The following MIA3 variants were observed in gnomAD, a reference collection of about 807,000 sequenced individuals.
The protein encoded by MIA3 is transport and Golgi organization protein 1 homolog.
Under a neutral mutation model 192.4 loss-of-function variants are expected in MIA3, and 90 were observed. That is an observed-to-expected ratio of 0.47 (90% CI 0.39 to 0.56). The LOEUF is 0.56. Among genes scored for constraint, MIA3 ranks in the 20% least tolerant of loss-of-function variants. The pLI, the probability that MIA3 is intolerant of heterozygous loss-of-function variation, is 0.00. For synonymous variants in MIA3, 740 were observed against 792.8 expected, an observed-to-expected ratio of 0.93 and a Z score of 1.12; for missense variants, 2,123 against 2,269.4, an observed-to-expected ratio of 0.94 and a Z score of 1.31.
chr1:222,660,274 T>C lies in MIA3; in HGVS notation c.5073T>C (p.Ser1691=). 2 of 1,614,040 alleles carry C rather than the reference T, an allele frequency of 1.2e-6. No individual in the cohort carries two copies. Among genetic ancestry groups the C allele is most frequent in the Non-Finnish European group, 1.7e-6 (2 of 1,179,904 alleles). The change falls in exon 24 of 28, where the codon TCT becomes TCC. Residue 1691 remains serine, a synonymous_variant. Coordinates refer to ENST00000344922, the MANE Select transcript of MIA3 (RefSeq NM_198551.4). Reference sequence around the variant, plus strand: ...TGGAGCCACCCGTGAGACCTCTCTCTGCTACTCTCAATCGAAGAGATATGC... The same window carrying C: ...TGGAGCCACCCGTGAGACCTCTCTCCGCTACTCTCAATCGAAGAGATATGC... ...LTVEPPVRPL[S]ATLNRRDMPR...
At position 222,654,686 on chromosome 1, in the gene MIA3, C is replaced by G. The variant is rs1475240620; in HGVS notation, c.4500C>G (p.Asn1500Lys). 6 of 1,613,972 alleles carry G rather than the reference C, an allele frequency of 3.7e-6. No individual in the cohort carries two copies. Among genetic ancestry groups the G allele is most frequent in the Non-Finnish European group, 4.2e-6 (5 of 1,179,978 alleles). The change falls in exon 18 of 28, where the codon AAC (asparagine) becomes AAG (lysine). Residue 1500 changes from asparagine to lysine, a missense_variant. Asn to Lys is a moderately conservative substitution (Grantham distance 94, BLOSUM62 0). This residue lies in a region of MIA3 where 762 missense variants were observed against 856.4 expected (regional missense o/e 0.89). Transcript: ENST00000344922. Reference sequence around the variant, plus strand: ...TAAAGAAATTGGAAGATGACCGCAACTCACTACAAGCTGCCAAAGCTGGAC... The same window carrying G: ...TAAAGAAATTGGAAGATGACCGCAAGTCACTACAAGCTGCCAAAGCTGGAC... ...DQVKKLEDDR[N>K]SLQAAKAGLE...
At chr1:222,637,569 C>T (rs1382960654) in intron 6 of MIA3, among the ~76,000 whole-genome samples, 4 of 151,886 alleles carry the variant, frequency 2.6e-5, no homozygotes, top group Non-Finnish European at 5.9e-5. Flanking sequence ...ACAACTCATT[C>T]GTGGCATTAT....
intron 2 of MIA3, among the ~76,000 whole-genome samples, chr1:222,622,730 TAA>T (rs999774261): frequency 6.6e-6 from 1 of 152,264 alleles, no homozygotes; most frequent in Admixed American, 6.5e-5. Flanking sequence ...ATAGAAAAGT[TAA>T]GTTTTTTTTT....
chr1:222,642,310 A>T (rs1443628673), intron 6 of MIA3, among the ~76,000 whole-genome samples: 1 of 152,064 alleles, frequency 6.6e-6, no homozygotes, highest in African/African-American at 2.4e-5. Flanking sequence ...AAAAAATCCT[A>T]ACTTTCTTAG....
At chr1:222,641,997 AT>A (rs1417680912) in intron 6 of MIA3, 1 of 333,864 alleles carries the variant, frequency 3.0e-6, no homozygotes, top group Non-Finnish European at 5.9e-6. Context: ...ATGTGCAGCA[AT>A]GTGGGTGAAT....
intron 1 of MIA3, among the ~76,000 whole-genome samples, chr1:222,619,238 C>T (rs946051731): frequency 6.6e-6 from 1 of 152,206 alleles, no homozygotes; most frequent in African/African-American, 2.4e-5. Context: ...CCTCTTCCCT[C>T]TATGTTCGCC....
rs191064877 is a variant in MIA3, at chr1:222,622,443, A to G, written c.267+1151A>G. Among the ~76,000 whole-genome samples, 118 of 151,740 alleles carry G rather than the reference A, an allele frequency of 7.8e-4. 1 individual carries two copies. The highest frequency in any genetic ancestry group is 2.6e-3 in the African/African-American group (108 of 41,192). ...ACCCATCCCGACTATGAAAGTTTTC[A>G]CTGTCAGTAAAACACCAAACAAACA... On this transcript the variant is annotated intron_variant, in intron 2 of 27. Coordinates refer to ENST00000344922, the MANE Select transcript of MIA3 (RefSeq NM_198551.4).
chr1:222,625,927 C>T (rs527285293), intron 3 of MIA3, among the ~76,000 whole-genome samples: 3 of 152,190 alleles, frequency 2.0e-5, no homozygotes, highest in South Asian at 4.1e-4. Context: ...TTAGTAGGAA[C>T]GAGGTTTCAC....
At position 222,632,299 on chromosome 1, in the gene MIA3, C is replaced by G; in HGVS notation, c.3304C>G (p.Pro1102Ala). 1 of 1,613,922 alleles carries G rather than the reference C, an allele frequency of 6.2e-7. No homozygotes were observed. The highest frequency in any genetic ancestry group is 8.5e-7 in the Non-Finnish European group (1 of 1,179,962). The change falls in exon 5 of 28, where the codon CCA (proline) becomes GCA (alanine). Residue 1102 changes from proline (P) to alanine (A), a missense_variant. Coordinates refer to ENST00000344922, the MANE Select transcript of MIA3 (RefSeq NM_198551.4). ...DTHASEVSQK[P>A]NTEKDLDPGP... ...TCATGCCTCAGAAGTGTCACAGAAG[C>G]CAAATACTGAGAAAGACCTGGACCC...
At chr1:222,635,117 T>G (rs1170417359) in intron 6 of MIA3, among the ~76,000 whole-genome samples, 4 of 152,232 alleles carry the variant, frequency 2.6e-5, no homozygotes, top group East Asian at 3.8e-4. Context: ...TTTTTCAGTA[T>G]TATTCATGTT....
At chr1:222,660,338 C>CAAT in intron 24 of MIA3, 24 bp downstream of exon 24, 1 of 1,596,896 alleles carries the variant, frequency 6.3e-7, no homozygotes, top group Non-Finnish European at 8.5e-7. Context: ...TGTTTCCTTG[C>CAAT]AATACTCTTT....
In MIA3 at chr1:222,629,855, G is replaced by A. The variant is rs1463742625; in HGVS notation, c.2635G>A (p.Asp879Asn). The A allele has an allele frequency of 1.9e-6, 3 of 1,613,726 alleles. No homozygotes were observed. The highest frequency in any genetic ancestry group is 2.5e-6 in the Non-Finnish European group (3 of 1,179,936). The part of the protein sequence containing the change: ...GEPEGELSKE[D>N]HENTEKYMGT... ...GCCTGAGGGAGAACTCTCAAAAGAGGACCATGAGAACACAGAGAAGTACAT... is the reference window on the plus strand; with the variant it reads ...GCCTGAGGGAGAACTCTCAAAAGAGAACCATGAGAACACAGAGAAGTACAT... The change falls in exon 4 of 28, where the codon GAC becomes AAC. Residue 879 changes from aspartate to asparagine, a missense_variant. Coordinates refer to ENST00000344922, the MANE Select transcript of MIA3 (RefSeq NM_198551.4).
intron 3 of MIA3, among the ~76,000 whole-genome samples, chr1:222,625,316 C>T (rs1157296524): frequency 6.6e-6 from 1 of 152,184 alleles, no homozygotes; most frequent in African/African-American, 2.4e-5. Context: ...AGGCCGTGTA[C>T]TCTTATACAA....
Position 222,618,530 on chromosome 1 carries a change from C to G in MIA3, c.133+287C>G, listed in dbSNP as rs1052632842. On this transcript the variant is annotated intron_variant, in intron 1 of 27. Transcript: ENST00000344922. ...GCGTTTTATTTTTCCTCTGCTGAGG[C>G]GGGGGGTTGCTTGCGGTGGTCCCCG... 8.5e-5 allele frequency among the ~76,000 whole-genome samples: 13 copies of G among 152,202 alleles called. 1 individual carries two copies. The highest frequency in any genetic ancestry group is 8.3e-4 in the South Asian group (4 of 4,834).
At chr1:222,665,284 A>C (rs370114590) in intron 27 of MIA3, 25 bp from the exon 28 acceptor site, 13 of 1,526,768 alleles carry the variant, frequency 8.5e-6, no homozygotes, top group Non-Finnish European at 1.1e-5. Flanking sequence ...CTAGGAATTT[A>C]CTGGAAATAA....
chr1:222,619,036 C>T (rs111551455), intron 1 of MIA3, among the ~76,000 whole-genome samples: 1,858 of 152,268 alleles, frequency 0.012, 36 homozygotes, highest in African/African-American at 0.041. Flanking sequence ...GCACCGGCCA[C>T]CTGGGACCGG....
At chr1:222,646,413 CAAA>C (rs370502614) in intron 7 of MIA3, among the ~76,000 whole-genome samples, 4 of 85,332 alleles carry the variant, frequency 4.7e-5, no homozygotes, top group Non-Finnish European at 4.9e-5. Context: ...GACTCCATCT[CAAA>C]AAAAAAAAAA....
At chr1:222,665,232 C>T in intron 27 of MIA3, 77 bp from the exon 28 acceptor site, 1 of 658,324 alleles carries the variant, frequency 1.5e-6, no homozygotes, top group South Asian at 1.8e-5. Context: ...GGATGACAGA[C>T]TATATTAACA....
At position 222,654,296 on chromosome 1, in the gene MIA3, C is replaced by T. The variant is rs763350411; in HGVS notation, c.4375C>T (p.Arg1459Trp). ...NQIKQMMDVS[R>W]TQTAISVVEE... ...AATTAAGCAGATGATGGATGTCTCT[C>T]GGGTATAATCGTTTTTAGAGTCCCA... Residue 1459 changes from arginine to tryptophan, a missense_variant and splice_region_variant, in exon 16 of 28, where the codon CGG becomes TGG. Coordinates refer to ENST00000344922, the MANE Select transcript of MIA3 (RefSeq NM_198551.4). 5.1e-5 allele frequency: 83 copies of T among 1,613,762 alleles called. No individual in the cohort carries two copies. The highest frequency in any genetic ancestry group is 1.1e-4 in the East Asian group (5 of 44,878).
Sources: gnomAD v4.1 joint callset for allele counts (sites outside exome capture counted in the v4.1 genomes callset) on GRCh38, gnomAD v4.1.1 for gene constraint, gnomAD v4.1.1 regional missense constraint, MANE v1.5 for transcripts, NCBI Gene and HGNC (gene_info 2026-07-23, HGNC 2026-07-21) for gene names.